Variants in FRMD5 observed in about 807,000 individuals in gnomAD.
FRMD5 encodes FERM domain-containing protein 5.
A neutral mutation model predicts 69.0 loss-of-function variants in FRMD5; 20 were observed. That is an observed-to-expected ratio of 0.29 (90% CI 0.20 to 0.42). The LOEUF (loss-of-function observed/expected upper bound fraction) is 0.42, where lower values mean the gene tolerates loss of function less well. Ranked by LOEUF, FRMD5 falls within the 10% of genes least tolerant of loss-of-function variation. The pLI is 1.00. For synonymous variants in FRMD5, 271 were observed against 260.1 expected (o/e 1.04, Z -0.40); for missense variants, 595 against 708.6 (o/e 0.84, Z 1.82).
At position 43,905,960 on chromosome 15, in the gene FRMD5, A is replaced by G. The variant is rs762841419; in HGVS notation, c.428-9T>C. On this transcript the variant is annotated splice_polypyrimidine_tract_variant and intron_variant, in intron 5 of 13. Transcript: ENST00000417257. Reference sequence around the variant, plus strand: ...ATAATCCCCAATCTCCGCTTTCAAAAGGAAGGTGGAAGAAAACAATTGTGG... The same window carrying G: ...ATAATCCCCAATCTCCGCTTTCAAAGGGAAGGTGGAAGAAAACAATTGTGG... 1 of 1,614,198 alleles carries G rather than the reference A, an allele frequency of 6.2e-7. No individual in the cohort carries two copies. The highest frequency in any genetic ancestry group is 1.1e-5 in the South Asian group (1 of 91,072).
chr15:44,084,652 A>G (rs1010631667), intron 1 of FRMD5, among the ~76,000 whole-genome samples: 6 of 152,232 alleles, frequency 3.9e-5, no homozygotes, highest in Admixed American at 3.9e-4. Context: ...TCACATTCTT[A>G]TAAGTTTTCT....
chr15:44,017,339 GA>G lies in FRMD5; in HGVS notation c.103-93031del, dbSNP rs1008095647. Among the ~76,000 whole-genome samples the G allele has an allele frequency of 2.4e-4, 34 of 142,402 alleles. 1 individual carries two copies. Among genetic ancestry groups the G allele is most frequent in the South Asian group, 1.6e-3 (7 of 4,498 alleles). The allele number at this position is 142,402 out of a possible 152,430, so 93.4% of individuals were successfully genotyped here. Reference sequence around the variant, plus strand: ...GGTGAAAAAGCGAGACTCTGTCTCAGAAAAAAAAAAACAAAAACCATGTACC... The same window carrying G: ...GGTGAAAAAGCGAGACTCTGTCTCAGAAAAAAAAAACAAAAACCATGTACC... On this transcript the variant is annotated intron_variant, in intron 1 of 13. Coordinates refer to ENST00000417257, the MANE Select transcript of FRMD5 (RefSeq NM_032892.5).
At chr15:44,082,258 A>C (rs534102381) in intron 1 of FRMD5, among the ~76,000 whole-genome samples, 1 of 152,004 alleles carries the variant, frequency 6.6e-6, no homozygotes, top group East Asian at 1.9e-4. Context: ...CTTCAAAAAC[A>C]CTCTATCTGC....
At chr15:43,905,222 TGCCTCCTGGGTTCAA>T (rs1371678087) in intron 6 of FRMD5, among the ~76,000 whole-genome samples, 3 of 150,512 alleles carry the variant, frequency 2.0e-5, no homozygotes, top group African/African-American at 7.4e-5. Context: ...CTGCAACCTC[TGCCTCCTGGGTTCAA>T]GCGATTCTCC....
At chr15:44,064,422 C>T (rs1893223625) in intron 1 of FRMD5, 1 of 152,656 alleles carries the variant, frequency 6.6e-6, no homozygotes, top group African/African-American at 2.4e-5. Flanking sequence ...GAAACCCCGT[C>T]CCTACTAAAA....
chr15:44,108,044 A>G (rs1250490780), intron 1 of FRMD5, among the ~76,000 whole-genome samples: 1 of 152,222 alleles, frequency 6.6e-6, no homozygotes, highest in Admixed American at 6.5e-5. Flanking sequence ...TATAGACTAA[A>G]CCAAACTGAG....
intron 1 of FRMD5, among the ~76,000 whole-genome samples, chr15:44,009,192 C>T (rs1307151475): frequency 1.3e-5 from 2 of 152,180 alleles, no homozygotes; most frequent in African/African-American, 4.8e-5. Context: ...TTTATTGCCT[C>T]AGCTCACACT....
chr15:44,143,487 G>T (rs907243080), intron 1 of FRMD5, among the ~76,000 whole-genome samples: 16 of 151,464 alleles, frequency 1.1e-4, no homozygotes, highest in African/African-American at 3.9e-4. Context: ...ACTATGATAT[G>T]GAATAAATAT....
rs2088625891 is a variant in FRMD5, at chr15:43,884,858, T to G, written c.960-63A>C. 4 of 1,388,512 alleles carry G rather than the reference T, an allele frequency of 2.9e-6. No individual in the cohort carries two copies. In the Admixed American group the frequency reaches 6.8e-5, roughly 24 times the overall value. 86.0% of individuals were successfully genotyped at this position (1,388,512 alleles called of 1,614,324 possible). A position where few individuals can be genotyped will look rare whatever the true frequency, so the allele number is the denominator to read the frequency against. On this transcript the variant is annotated intron_variant, in intron 11 of 13. Coordinates refer to ENST00000417257, the MANE Select transcript of FRMD5 (RefSeq NM_032892.5). ...AGACTGTGTTGTAGGACAGCTCCTC[T>G]CCAAGATCTTAGGTGCTTTCCCTGA...
intron 13 of FRMD5, among the ~76,000 whole-genome samples, chr15:43,877,064 C>T (rs1242431950): frequency 1.3e-5 from 2 of 152,140 alleles, no homozygotes; most frequent in South Asian, 2.1e-4. Flanking sequence ...AGTGAGTGAG[C>T]GCGGCCCCCA....
intron 1 of FRMD5, among the ~76,000 whole-genome samples, chr15:44,005,924 C>T (rs1890427142): frequency 6.6e-6 from 1 of 152,160 alleles, no homozygotes; most frequent in South Asian, 2.1e-4. Context: ...GTAGTAAGTG[C>T]TGATACAGAA....
rs147155460 is a variant in FRMD5, at chr15:43,993,657, T to C, written c.103-69348A>G. Among the ~76,000 whole-genome samples the C allele has an allele frequency of 3.2e-4, 49 of 152,330 alleles. 1 individual carries two copies. The highest frequency in any genetic ancestry group is 1.2e-3 in the African/African-American group (49 of 41,580). On this transcript the variant is annotated intron_variant, in intron 1 of 13. Transcript: ENST00000417257. ...ATTGATTTTTTTTGTCTGGATGAAA[T>C]GTCCATTGCTTAAAGTTGGGTATCA...
rs371358917 is a variant in FRMD5 at position 44,142,812 on chromosome 15, G to A, written c.102+52141C>T. On this transcript the variant is annotated intron_variant, in intron 1 of 13. Coordinates refer to ENST00000417257, the MANE Select transcript of FRMD5 (RefSeq NM_032892.5). ...CACAAAAGAAGAGTAAACGTAGGCCGGGCCGCAGTGGCTCACACCTGTAAT... is the reference window on the plus strand; with the variant it reads ...CACAAAAGAAGAGTAAACGTAGGCCAGGCCGCAGTGGCTCACACCTGTAAT... Among the ~76,000 whole-genome samples, 168 of 152,258 alleles carry A rather than the reference G, an allele frequency of 1.1e-3. 2 individuals carry two copies. The highest frequency in any genetic ancestry group is 3.0e-3 in the African/African-American group (125 of 41,564).
At chr15:44,013,535 G>T (rs1595623739) in intron 1 of FRMD5, among the ~76,000 whole-genome samples, 2 of 152,290 alleles carry the variant, frequency 1.3e-5, no homozygotes, top group East Asian at 1.9e-4. Flanking sequence ...CTGAACAAAT[G>T]ATTGAATGAG....
At chr15:44,168,523 G>A (rs1201807150) in intron 1 of FRMD5, among the ~76,000 whole-genome samples, 1 of 152,126 alleles carries the variant, frequency 6.6e-6, no homozygotes, top group African/African-American at 2.4e-5. Context: ...TTTGGGTGGT[G>A]AACACAACTG....
intron 1 of FRMD5, among the ~76,000 whole-genome samples, chr15:44,101,828 C>T (rs557354615): frequency 1.3e-4 from 20 of 152,310 alleles, no homozygotes; most frequent in African/African-American, 4.8e-4. Flanking sequence ...CTATCAGAAA[C>T]ACCTGGGTGC....
chr15:44,194,600 G>A, intron 1 of FRMD5: 2 of 358,644 alleles, frequency 5.6e-6, no homozygotes, highest in South Asian at 5.1e-5. Flanking sequence ...GGCCGGGCTA[G>A]GAGCCTACCG....
intron 1 of FRMD5, among the ~76,000 whole-genome samples, chr15:44,080,905 G>A (rs1199603319): frequency 6.6e-6 from 1 of 152,000 alleles, no homozygotes; most frequent in Non-Finnish European, 1.5e-5. Context: ...CAAATGGAAG[G>A]TCAGAGGTTT....
intron 1 of FRMD5, among the ~76,000 whole-genome samples, chr15:44,173,987 T>A (rs2077850080): frequency 6.6e-6 from 1 of 152,096 alleles, no homozygotes; most frequent in Non-Finnish European, 1.5e-5. Flanking sequence ...AGAAGTTAGG[T>A]GACTCATTCA....
Sources: gnomAD v4.1 joint callset for allele counts (sites outside exome capture counted in the v4.1 genomes callset) on GRCh38, gnomAD v4.1.1 for gene constraint, MANE v1.5 for transcripts, NCBI Gene and HGNC (gene_info 2026-07-23, HGNC 2026-07-21) for gene names.